Variants in DSCAM observed in about 807,000 individuals in gnomAD.
DSCAM encodes the protein cell adhesion molecule DSCAM.
DSCAM carries 47 observed loss-of-function variants against 217.7 expected under a neutral mutation model. The ratio of observed to expected loss-of-function variants is 0.22; its 90% CI spans 0.17 to 0.28. The LOEUF (loss-of-function observed/expected upper bound fraction) is 0.28. Among genes scored for constraint, DSCAM ranks in the 10% least tolerant of loss-of-function variants. The probability of loss-of-function intolerance (pLI) is 1.00; values close to 1 mark genes in which losing one functional copy is unlikely to be tolerated. For synonymous variants in DSCAM, 1,056 were observed against 1,015.3 expected (o/e 1.04, Z -0.76); for missense variants, 2,080 against 2,618.3 (o/e 0.79, Z 4.49).
intron 8 of DSCAM, among the ~76,000 whole-genome samples, chr21:40,334,213 G>A (rs931623524): frequency 1.1e-4 from 16 of 152,052 alleles, no homozygotes; most frequent in Non-Finnish European, 2.4e-4. Context: ...TCTGCAGCCT[G>A]GATTCCTGAA....
chr21:40,651,768 T>C (rs1437624025), intron 3 of DSCAM, among the ~76,000 whole-genome samples: 2 of 152,238 alleles, frequency 1.3e-5, no homozygotes, highest in Admixed American at 6.5e-5. Flanking sequence ...GATGGATATA[T>C]ACTCAGTTTT....
intron 3 of DSCAM, among the ~76,000 whole-genome samples, chr21:40,655,480 T>C (rs1219876377): frequency 6.6e-6 from 1 of 150,964 alleles, no homozygotes; most frequent in Non-Finnish European, 1.5e-5. Context: ...TCTCACTCTG[T>C]CACCCAGGCT....
intron 16 of DSCAM, among the ~76,000 whole-genome samples, chr21:40,160,596 C>G (rs2090529706): frequency 6.6e-6 from 1 of 152,214 alleles, no homozygotes; most frequent in Non-Finnish European, 1.5e-5. Flanking sequence ...GTCACAACTT[C>G]AGGACCTGGT....
rs533657014 is a variant in DSCAM at position 40,515,528 on chromosome 21, C to T, written c.509-146283G>A. 6.6e-5 allele frequency among the ~76,000 whole-genome samples: 10 copies of T among 152,224 alleles called. No homozygotes were observed. In the South Asian group the frequency reaches 2.1e-3, roughly 32 times the overall value. On this transcript the variant is annotated intron_variant, in intron 3 of 32. Transcript: ENST00000400454. ...GACAGTCTTTTATACAACCACGGAACGGTGATCAATTTCAGAAAAAAATTA... is the reference window on the plus strand; with the variant it reads ...GACAGTCTTTTATACAACCACGGAATGGTGATCAATTTCAGAAAAAAATTA...
chr21:40,501,745 C>T (rs1453442069), intron 3 of DSCAM, among the ~76,000 whole-genome samples: 1 of 152,158 alleles, frequency 6.6e-6, no homozygotes, highest in African/African-American at 2.4e-5. Context: ...GCATGCACCA[C>T]CATGCCCAGC....
intron 3 of DSCAM, among the ~76,000 whole-genome samples, chr21:40,664,673 CTA>C (rs1174472106): frequency 6.6e-6 from 1 of 152,242 alleles, no homozygotes; most frequent in Non-Finnish European, 1.5e-5. Context: ...GGAGTGCCCA[CTA>C]CTTCCTTGTC....
At chr21:40,442,014 A>G (rs1410464906) in intron 3 of DSCAM, among the ~76,000 whole-genome samples, 1 of 152,160 alleles carries the variant, frequency 6.6e-6, no homozygotes, top group Non-Finnish European at 1.5e-5. Context: ...CTTCTCTTCT[A>G]GATTATAGAT....
chr21:40,845,353 G>T (rs1411746551), intron 1 of DSCAM, among the ~76,000 whole-genome samples: 1 of 151,960 alleles, frequency 6.6e-6, no homozygotes, highest in Non-Finnish European at 1.5e-5. Flanking sequence ...CATTTCTTCT[G>T]GCCTGTTGGT....
intron 3 of DSCAM, among the ~76,000 whole-genome samples, chr21:40,505,957 GAAA>G (rs1354829886): frequency 2.0e-5 from 3 of 152,146 alleles, no homozygotes; most frequent in South Asian, 2.1e-4. Flanking sequence ...TTTCATTCAA[GAAA>G]ATGTTCAAAA....
chr21:40,418,458 G>A (rs1392380452), intron 3 of DSCAM, among the ~76,000 whole-genome samples: 2 of 152,180 alleles, frequency 1.3e-5, no homozygotes, highest in Non-Finnish European at 2.9e-5. Flanking sequence ...GGGAACGGGA[G>A]AATTTTGTAA....
At chr21:40,179,833 G>A (rs191494180) in intron 14 of DSCAM, among the ~76,000 whole-genome samples, 229 of 152,348 alleles carry the variant, frequency 1.5e-3, no homozygotes, top group African/African-American at 4.8e-3. Context: ...GCAAGGATGA[G>A]AATGTCAATA....
At position 40,307,252 on chromosome 21, in the gene DSCAM, C is replaced by T. The variant is rs1052261375; in HGVS notation, c.2062+4829G>A. Among the ~76,000 whole-genome samples, 70 of 151,872 alleles carry T rather than the reference C, an allele frequency of 4.6e-4. No individual in the cohort carries two copies. In the South Asian group the frequency reaches 0.014, roughly 31 times the overall value. The stretch of plus-strand genomic sequence containing the variant: ...AAATTTACAAGAAAAAAAAAACAAC[C>T]CCATCAAAAAGTAGGCAAAGGACAT... On this transcript the variant is annotated intron_variant, in intron 9 of 32. Transcript: ENST00000400454.
intron 3 of DSCAM, among the ~76,000 whole-genome samples, chr21:40,585,854 TTTTG>T (rs993970845): frequency 5.9e-5 from 9 of 152,144 alleles, no homozygotes; most frequent in South Asian, 2.1e-4. Context: ...CCTGTGCTCA[TTTTG>T]TTTGTTTTTG....
chr21:40,395,319 T>G (rs1246038535), intron 3 of DSCAM, among the ~76,000 whole-genome samples: 1 of 152,000 alleles, frequency 6.6e-6, no homozygotes, highest in Non-Finnish European at 1.5e-5. Flanking sequence ...GTCAGGTCTA[T>G]TTTTACTTTC....
chr21:40,109,137 C>A (rs2089861740), intron 20 of DSCAM, among the ~76,000 whole-genome samples: 1 of 152,104 alleles, frequency 6.6e-6, no homozygotes, highest in Non-Finnish European at 1.5e-5. Flanking sequence ...GCAACAACAA[C>A]AAAAATGGAC....
intron 29 of DSCAM, among the ~76,000 whole-genome samples, chr21:40,053,319 T>G (rs547926359): frequency 2.0e-5 from 3 of 152,372 alleles, no homozygotes; most frequent in African/African-American, 7.2e-5. Context: ...GGGCTTGGCT[T>G]GGAGGTCCGG....
intron 31 of DSCAM, among the ~76,000 whole-genome samples, chr21:40,043,742 AT>A (rs1170542497): frequency 1.3e-5 from 2 of 152,332 alleles, no homozygotes; most frequent in East Asian, 3.9e-4. Context: ...TCAGAGTGTA[AT>A]CAGCAATTAC....
chr21:40,759,963 ATTTATT>A (rs1383425845), intron 1 of DSCAM, among the ~76,000 whole-genome samples: 1 of 1,276 alleles, frequency 7.8e-4, no homozygotes, highest in African/African-American at 7.8e-3. Flanking sequence ...GTTTACATTT[ATTTATT>A]TATTTATTTA....
At chr21:40,691,009 T>TA (rs1452626322) in intron 3 of DSCAM, among the ~76,000 whole-genome samples, 1 of 152,148 alleles carries the variant, frequency 6.6e-6, no homozygotes, top group Admixed American at 6.5e-5. Context: ...GGTGATGAAA[T>TA]AATCTGTACA....
Sources: gnomAD v4.1 joint callset for allele counts (sites outside exome capture counted in the v4.1 genomes callset) on GRCh38, gnomAD v4.1.1 for gene constraint, MANE v1.5 for transcripts, NCBI Gene and HGNC (gene_info 2026-07-23, HGNC 2026-07-21) for gene names.